TTC28: variants seen among roughly 807,000 people sequenced by gnomAD.
TTC28 encodes tetratricopeptide repeat protein 28.
Under a neutral mutation model 198.0 loss-of-function variants are expected in TTC28, and 61 were observed. That is an observed-to-expected ratio of 0.31 (90% CI 0.25 to 0.38). The LOEUF is 0.38. Ranked by LOEUF, TTC28 falls within the 10% of genes least tolerant of loss-of-function variation. TTC28 has a pLI of 1.00. For synonymous variants in TTC28, 1,171 were observed against 1,297.8 expected, an observed-to-expected ratio of 0.90 and a Z score of 2.10; for missense variants, 2,678 against 3,164.0, an observed-to-expected ratio of 0.85 and a Z score of 3.69.
chr22:28,111,402 G>T (rs1942478005), intron 6 of TTC28, among the ~76,000 whole-genome samples: 1 of 152,054 alleles, frequency 6.6e-6, no homozygotes, highest in Non-Finnish European at 1.5e-5. Flanking sequence ...CCCTCTTAAT[G>T]CTAAAAAATT....
chr22:28,257,780 A>ATC (rs1307739935), intron 5 of TTC28, among the ~76,000 whole-genome samples: 1 of 128,140 alleles, frequency 7.8e-6, no homozygotes, highest in African/African-American at 2.9e-5. Flanking sequence ...ATATATATAT[A>ATC]TCTTCTACTT....
intron 12 of TTC28, among the ~76,000 whole-genome samples, chr22:28,077,785 T>C (rs1941215738): frequency 1.3e-5 from 2 of 152,246 alleles, no homozygotes; most frequent in Non-Finnish European, 2.9e-5. Context: ...GGTTTAATAT[T>C]GCTTTACAAT....
intron 14 of TTC28, 101 bp downstream of exon 14, chr22:28,014,147 C>T (rs147698772): frequency 2.3e-4 from 322 of 1,389,168 alleles, no homozygotes; most frequent in Admixed American, 1.2e-3. Context: ...CCGGTTGTCT[C>T]GGGAGCCCAT....
chr22:28,022,553 C>G (rs952525676), intron 13 of TTC28, among the ~76,000 whole-genome samples: 16 of 152,242 alleles, frequency 1.1e-4, no homozygotes, highest in African/African-American at 3.6e-4. Context: ...TGGGCTGCAG[C>G]TTCCTGCCTC....
At chr22:28,155,818 T>A (rs945961708) in intron 6 of TTC28, among the ~76,000 whole-genome samples, 10 of 152,128 alleles carry the variant, frequency 6.6e-5, no homozygotes, top group Non-Finnish European at 1.5e-4. Context: ...ACTCTACCTA[T>A]AATGTGGCAT....
At chr22:28,136,218 C>T (rs1362638958) in intron 6 of TTC28, among the ~76,000 whole-genome samples, 4 of 152,168 alleles carry the variant, frequency 2.6e-5, no homozygotes, top group Non-Finnish European at 5.9e-5. Context: ...GATCATAGCT[C>T]ATTCTAGCCT....
At chr22:28,511,757 G>GAACT (rs1274302335) in intron 2 of TTC28, among the ~76,000 whole-genome samples, 7 of 151,872 alleles carry the variant, frequency 4.6e-5, no homozygotes, top group Admixed American at 4.6e-4. Context: ...GGTGGAGGTT[G>GAACT]CAGTGAGCTG....
intron 2 of TTC28, among the ~76,000 whole-genome samples, chr22:28,510,281 C>T (rs1165877132): frequency 6.6e-6 from 1 of 152,112 alleles, no homozygotes; most frequent in Non-Finnish European, 1.5e-5. Context: ...AAAATACTGG[C>T]AAACCGAATC....
chr22:28,270,914 A>G (rs1203958188), intron 5 of TTC28, among the ~76,000 whole-genome samples: 1 of 152,148 alleles, frequency 6.6e-6, no homozygotes, highest in Non-Finnish European at 1.5e-5. Context: ...TGGCTCTTCT[A>G]TGGGATCCAT....
chr22:28,067,435 C>T (rs1454005863), intron 12 of TTC28, among the ~76,000 whole-genome samples: 4 of 152,090 alleles, frequency 2.6e-5, no homozygotes, highest in African/African-American at 9.7e-5. Context: ...TCTCTTATAA[C>T]ATGAAATACT....
chr22:28,501,165 G>C (rs1443526459), intron 2 of TTC28, among the ~76,000 whole-genome samples: 3 of 152,094 alleles, frequency 2.0e-5, no homozygotes, highest in Non-Finnish European at 4.4e-5. Flanking sequence ...AAATGTAACT[G>C]TTCTCAAAGA....
rs1425589112 is a variant in TTC28, at chr22:27,999,150, G to A, written c.4509C>T (p.Pro1503=). The change falls in exon 16 of 23, where the codon CCC becomes CCT. Residue 1503 remains proline, a synonymous_variant. Transcript: ENST00000397906. ...AGGCCTCTTCCTCGGCCGATGGCAT[G>A]GGCCCCCACAGCCACCTGTCCATCA... The part of the protein sequence containing the change: ...SAVMDRWLWG[P]MPSAEEEAYM... 1.9e-4 allele frequency: 293 copies of A among 1,550,494 alleles called. No individual in the cohort carries two copies. Among genetic ancestry groups the A allele is most frequent in the Non-Finnish European group, 2.5e-4 (290 of 1,147,000 alleles).
chr22:28,169,102 G>A (rs1285908044), intron 5 of TTC28, among the ~76,000 whole-genome samples: 3 of 152,194 alleles, frequency 2.0e-5, no homozygotes, highest in African/African-American at 7.2e-5. Context: ...TCAGAGAAAT[G>A]CAAATCAAAA....
At chr22:28,490,021 A>C (rs985934665) in intron 2 of TTC28, among the ~76,000 whole-genome samples, 8 of 152,140 alleles carry the variant, frequency 5.3e-5, no homozygotes, top group Admixed American at 5.2e-4. Context: ...CACGGGAGAA[A>C]GATGTAGGCT....
At chr22:28,428,466 T>TAA in intron 2 of TTC28, among the ~76,000 whole-genome samples, 1 of 152,114 alleles carries the variant, frequency 6.6e-6, no homozygotes, top group Non-Finnish European at 1.5e-5. Flanking sequence ...TAGCACCCTA[T>TAA]CTGTGGTACC....
chr22:28,399,737 C>A (rs546166505), intron 2 of TTC28, among the ~76,000 whole-genome samples: 1 of 152,128 alleles, frequency 6.6e-6, no homozygotes, highest in East Asian at 1.9e-4. Context: ...TTCATATTAC[C>A]AAAATCACTG....
At chr22:28,289,847 G>T (rs1355912107) in intron 5 of TTC28, among the ~76,000 whole-genome samples, 1 of 152,098 alleles carries the variant, frequency 6.6e-6, no homozygotes, top group Non-Finnish European at 1.5e-5. Context: ...CCAACATGGT[G>T]AAACCCCATC....
At chr22:28,287,191 G>A (rs2044701754) in intron 5 of TTC28, among the ~76,000 whole-genome samples, 3 of 152,122 alleles carry the variant, frequency 2.0e-5, no homozygotes, top group South Asian at 4.1e-4. Flanking sequence ...ACAGAGCAGA[G>A]TCTTTATATG....
rs565664853 is a variant in TTC28 at position 28,006,250 on chromosome 22, G to T, written c.4219-4697C>A. 1.9e-3 allele frequency among the ~76,000 whole-genome samples: 290 copies of T among 152,284 alleles called. 1 individual carries two copies. Among genetic ancestry groups the T allele is most frequent in the Non-Finnish European group, 3.3e-3 (225 of 68,014 alleles). On this transcript the variant is annotated intron_variant, in intron 14 of 22. Coordinates refer to ENST00000397906, the MANE Select transcript of TTC28 (RefSeq NM_001145418.2). ...AAGACACTAACCTCTCTGCACCTTG[G>T]TTTCCAAACCCACAGGACAGCGCTA...
Sources: gnomAD v4.1 joint callset for allele counts (sites outside exome capture counted in the v4.1 genomes callset) on GRCh38, gnomAD v4.1.1 for gene constraint, MANE v1.5 for transcripts, NCBI Gene and HGNC (gene_info 2026-07-23, HGNC 2026-07-21) for gene names.